The following UGGT2 variants were observed in gnomAD, a reference collection of about 807,000 sequenced individuals.
The protein encoded by UGGT2 is UDP-glucose glycoprotein glucosyltransferase 2, also known as UDP-glucose:glycoprotein glucosyltransferase 2.
Under a neutral mutation model 192.1 loss-of-function variants are expected in UGGT2, and 180 were observed. The observed-to-expected ratio is 0.94, with a 90% confidence interval of 0.83 to 1.06. The LOEUF (loss-of-function observed/expected upper bound fraction) is 1.06. Among genes scored for constraint, UGGT2 ranks in the 50% least tolerant of loss-of-function variants. The pLI, the probability that UGGT2 is intolerant of heterozygous loss-of-function variation, is 0.00. For synonymous variants in UGGT2, 580 were observed against 591.0 expected, an observed-to-expected ratio of 0.98 and a Z score of 0.27; for missense variants, 1,849 against 1,795.7, an observed-to-expected ratio of 1.03 and a Z score of -0.54.
Position 95,890,944 on chromosome 13 carries a change from T to A in UGGT2, c.2876A>T (p.Gln959Leu), listed in dbSNP as rs1028228076. Residue 959 changes from glutamine to leucine, a missense_variant, in exon 25 of 39, where the codon CAA becomes CTA. By Grantham distance (113) the Gln-to-Leu change is moderately radical. Coordinates refer to ENST00000376747, the MANE Select transcript of UGGT2 (RefSeq NM_020121.4). ...GACATTGAAGAACATATCATTCTCT[T>A]GAGGATTCGTCTTTATAACACTAAG... ...ENHSVIKTNP[Q>L]ENDMFFNVIA... 3 of 1,611,952 alleles carry A rather than the reference T, an allele frequency of 1.9e-6. No individual in the cohort carries two copies. Among genetic ancestry groups the A allele is most frequent in the Non-Finnish European group, 2.5e-6 (3 of 1,178,908 alleles).
intron 12 of UGGT2, among the ~76,000 whole-genome samples, chr13:95,966,499 G>T (rs556733778): frequency 1.3e-5 from 2 of 152,164 alleles, no homozygotes; most frequent in East Asian, 3.9e-4. Flanking sequence ...GCAAAGTAGG[G>T]TGACTATAGT....
intron 1 of UGGT2, among the ~76,000 whole-genome samples, chr13:96,037,178 T>C (rs2053029574): frequency 6.6e-6 from 1 of 152,050 alleles, no homozygotes; most frequent in South Asian, 2.1e-4. Flanking sequence ...AAGGTATGCA[T>C]ACTGTAAAAT....
At chr13:95,934,364 G>C (rs149722340) in intron 17 of UGGT2, among the ~76,000 whole-genome samples, 46 of 152,208 alleles carry the variant, frequency 3.0e-4, no homozygotes, top group African/African-American at 1.0e-3. Flanking sequence ...ATGTTCTGTA[G>C]ATGTCTATTA....
rs115666197 is a variant in UGGT2, at chr13:95,843,071, T to C, written c.4285-5869A>G. Among the ~76,000 whole-genome samples the C allele has an allele frequency of 2.1e-3, 318 of 152,354 alleles. 1 individual carries two copies. The highest frequency in any genetic ancestry group is 7.3e-3 in the African/African-American group (305 of 41,582). ...TTTTGGCTTTTATGAATAATGCTAC[T>C]ATGAGTATTTATGTACAAGCATTTG... On this transcript the variant is annotated intron_variant, in intron 36 of 38. Transcript: ENST00000376747.
At chr13:95,950,473 A>G (rs1424735473) in intron 12 of UGGT2, among the ~76,000 whole-genome samples, 1 of 151,870 alleles carries the variant, frequency 6.6e-6, no homozygotes, top group Non-Finnish European at 1.5e-5. Context: ...AGCATCTGGC[A>G]CTGAGGATAC....
chr13:95,856,219 A>T lies in UGGT2; in HGVS notation c.3947T>A (p.Leu1316His). Residue 1316 changes from leucine (L) to histidine (H), a missense_variant, in exon 34 of 39, where the codon CTT (leucine) becomes CAT (histidine). Transcript: ENST00000376747. ...TAGTGGGAAAAGAACATCAAGGAAA[A>T]GAATTTTGTAACCCCAAATAATCCT... ...RQRIIWGYKI[L>H]FLDVLFPLAV... The T allele has an allele frequency of 6.2e-7, 1 of 1,613,626 alleles. No individual in the cohort carries two copies.
intron 38 of UGGT2, among the ~76,000 whole-genome samples, chr13:95,831,701 C>T (rs926855621): frequency 6.6e-6 from 1 of 151,956 alleles, no homozygotes; most frequent in East Asian, 1.9e-4. Context: ...TATACGTTTA[C>T]TTGTATAAAA....
intron 15 of UGGT2, among the ~76,000 whole-genome samples, chr13:95,944,670 C>T (rs2049804562): frequency 6.6e-6 from 1 of 151,960 alleles, no homozygotes; most frequent in African/African-American, 2.4e-5. Context: ...TACTTTCCAT[C>T]TACTTTTTAA....
intron 12 of UGGT2, among the ~76,000 whole-genome samples, chr13:95,963,663 T>C (rs1265753320): frequency 6.6e-6 from 1 of 152,144 alleles, no homozygotes; most frequent in African/African-American, 2.4e-5. Context: ...AGAAAATTCT[T>C]AGAACTGATA....
chr13:95,849,129 C>G (rs1245544709), intron 36 of UGGT2, among the ~76,000 whole-genome samples: 1 of 151,920 alleles, frequency 6.6e-6, no homozygotes, highest in African/African-American at 2.4e-5. Context: ...ATTCTTAAAT[C>G]TACATCAGGC....
chr13:96,053,225 CG>C lies in UGGT2; in HGVS notation c.87del (p.Ala30ProfsTer6). On this transcript the variant is annotated frameshift_variant, in exon 1 of 39. Coordinates refer to ENST00000376747, the MANE Select transcript of UGGT2 (RefSeq NM_020121.4). LOFTEE classifies it high-confidence loss of function. ...TGGGCAGTCACCGACTTGGACGCGGCGACCGTCCCGGAGCCGAGCTGCGAAA... is the reference window on the plus strand; with the variant it reads ...TGGGCAGTCACCGACTTGGACGCGGCACCGTCCCGGAGCCGAGCTGCGAAA... ...LWLSQLGSGTVAASKSVTAHL... is the reference protein window; with the variant it reads ...LWLSQLGSGTXAASKSVTAHL... The C allele has an allele frequency of 6.5e-7, 1 of 1,540,232 alleles. No individual in the cohort carries two copies.
At chr13:95,969,303 C>T (rs1052246467) in intron 12 of UGGT2, among the ~76,000 whole-genome samples, 3 of 152,178 alleles carry the variant, frequency 2.0e-5, no homozygotes, top group Non-Finnish European at 4.4e-5. Flanking sequence ...GACTTCACCC[C>T]TGCTGATTTT....
rs1281607197 is a variant in UGGT2, at chr13:95,948,101, T to C, written c.1456-20A>G. 2 of 1,587,306 alleles carry C rather than the reference T, an allele frequency of 1.3e-6. No homozygotes were observed. Among genetic ancestry groups the C allele is most frequent in the Non-Finnish European group, 8.6e-7 (1 of 1,159,172 alleles). ...CAGAACCTAAAAGAAAGATAGTATA[T>C]ATCACTATTTCAACACCTTAGAATC... On this transcript the variant is annotated intron_variant, in intron 13 of 38. Transcript: ENST00000376747.
At position 95,972,604 on chromosome 13, in the gene UGGT2, T is replaced by C. The variant is rs749326325; in HGVS notation, c.1160A>G (p.Asp387Gly). The C allele has an allele frequency of 1.2e-6, 2 of 1,613,632 alleles. No individual in the cohort carries two copies. Among genetic ancestry groups the C allele is most frequent in the Non-Finnish European group, 1.7e-6 (2 of 1,179,736 alleles). Residue 387 changes from aspartate (D) to glycine (G), a missense_variant, in exon 11 of 39, where the codon GAT becomes GGT. Asp to Gly is a moderately conservative substitution (Grantham distance 94). Transcript: ENST00000376747. ...CCTAAAAGCGTCATAAACATCCATA[T>C]CAACACGAAGGCCATTTATAAATAG... ...ARLFINGLRVDMDVYDAFSIL... is the reference protein window; with the variant it reads ...ARLFINGLRVGMDVYDAFSIL...
intron 1 of UGGT2, among the ~76,000 whole-genome samples, chr13:96,047,604 A>G (rs2053354021): frequency 6.6e-6 from 1 of 152,216 alleles, no homozygotes; most frequent in Non-Finnish European, 1.5e-5. Flanking sequence ...TATGTGAGAG[A>G]GACACACATA....
intron 20 of UGGT2, among the ~76,000 whole-genome samples, chr13:95,924,232 A>C (rs2048940743): frequency 6.6e-6 from 1 of 152,098 alleles, no homozygotes; most frequent in Non-Finnish European, 1.5e-5. Context: ...GTTATAGAAG[A>C]AGCAACTAAA....
In UGGT2 at chr13:95,877,227, CA is replaced by C. The variant is rs150699923; in HGVS notation, c.3473+51del. ...TGTTTTGATTCTCTTGGTTGTATTA[CA>C]CTAAAAACGTATTTATGTGTAAAAA... On this transcript the variant is annotated intron_variant, in intron 29 of 38. Coordinates refer to ENST00000376747, the MANE Select transcript of UGGT2 (RefSeq NM_020121.4). The C allele has an allele frequency of 3.2e-3, 4,396 of 1,391,424 alleles. 106 individuals carry two copies. The African/African-American group carries it at 0.058, about 18-fold the overall frequency. 86.2% of individuals were successfully genotyped at this position (1,391,424 alleles called of 1,614,324 possible).
chr13:95,806,510 A>G (rs1472711695), intron 38 of UGGT2, among the ~76,000 whole-genome samples: 22 of 152,182 alleles, frequency 1.4e-4, no homozygotes. Context: ...ATCTGATGCA[A>G]TCCCTATCAA....
intron 36 of UGGT2, among the ~76,000 whole-genome samples, chr13:95,848,065 GCATCTGCT>G (rs1380763790): frequency 6.6e-6 from 1 of 152,182 alleles, no homozygotes; most frequent in African/African-American, 2.4e-5. Context: ...ATGATGTGGA[GCATCTGCT>G]CATATGCTTA....
Sources: allele counts gnomAD v4.1 joint callset (sites outside exome capture counted in the v4.1 genomes callset), GRCh38; gene constraint gnomAD v4.1.1; transcripts MANE v1.5; gene names NCBI Gene and HGNC (gene_info 2026-07-23, HGNC 2026-07-21).